Variants in SH3KBP1 observed in about 807,000 individuals in gnomAD.
The protein encoded by SH3KBP1 is SH3 domain-containing kinase-binding protein 1.
Under a neutral mutation model 50.1 loss-of-function variants are expected in SH3KBP1, and 8 were observed. That is an observed-to-expected ratio of 0.16 (90% CI 0.09 to 0.29). SH3KBP1 has a LOEUF of 0.29. Ranked by LOEUF, SH3KBP1 falls within the 10% of genes least tolerant of loss-of-function variation. SH3KBP1 has a pLI of 1.00. For missense variants in SH3KBP1, 377 were observed against 535.2 expected (o/e 0.70, Z 2.92); for synonymous variants, 227 against 218.6 (o/e 1.04, Z -0.34).
At chrX:19,657,157 G>C (rs917153580) in intron 6 of SH3KBP1, among the ~76,000 whole-genome samples, 2 of 110,522 alleles carry the variant, frequency 1.8e-5, no homozygotes, top group Non-Finnish European at 3.8e-5. Context: ...CAGGAGGATT[G>C]CTTAAGCTCA....
At chrX:19,664,784 T>G (rs928861831) in intron 6 of SH3KBP1, 5 of 112,105 alleles carry the variant, frequency 4.5e-5, no homozygotes, top group African/African-American at 1.3e-4. Flanking sequence ...TTTAGCCTCT[T>G]CTGAATTGAA....
chrX:19,758,561 T>C (rs1183997130), intron 2 of SH3KBP1, among the ~76,000 whole-genome samples: 1 of 110,988 alleles, frequency 9.0e-6, no homozygotes, highest in Non-Finnish European at 1.9e-5. Context: ...TTGAGTCCCC[T>C]GAGGGATGGG....
chrX:19,804,886 C>A (rs73631372), intron 2 of SH3KBP1, among the ~76,000 whole-genome samples: 2 of 52,830 alleles, frequency 3.8e-5, no homozygotes, highest in East Asian at 5.8e-4. Context: ...AACCCTACCC[C>A]CCCCCCCCCA....
intron 2 of SH3KBP1, among the ~76,000 whole-genome samples, chrX:19,813,014 G>A (rs144525531): frequency 0.01 from 1,121 of 107,494 alleles, 8 homozygotes; most frequent in Middle Eastern, 0.019. Flanking sequence ...GTGGTGGTAC[G>A]CGCCTGTAGT....
At chrX:19,708,816 A>G (rs1417946765) in intron 3 of SH3KBP1, among the ~76,000 whole-genome samples, 2 of 111,810 alleles carry the variant, frequency 1.8e-5, no homozygotes, top group Non-Finnish European at 3.8e-5. Context: ...GCAGACACAA[A>G]TCTGAACATG....
At position 19,631,887 on chromosome X, in the gene SH3KBP1, C is replaced by T; in HGVS notation, c.874G>A (p.Asp292Asn). The T allele has an allele frequency of 1.7e-6, 2 of 1,193,707 alleles. No homozygotes were observed. The highest frequency in any genetic ancestry group is 2.3e-6 in the Non-Finnish European group (2 of 880,362). ...ACCTTATTGATGAGAGTGACTATATCTCCTTCTTTGATTGTCAATTCATCA... is the reference window on the plus strand; with the variant it reads ...ACCTTATTGATGAGAGTGACTATATTTCCTTCTTTGATTGTCAATTCATCA... ...NDDELTIKEG[D>N]IVTLINKDCI... is the part of the protein sequence containing the mutation. The change falls in exon 8 of 18, where the codon GAT (aspartate) becomes AAT (asparagine). Residue 292 changes from aspartate to asparagine, a missense_variant. This residue lies in a region of SH3KBP1 where 257 missense variants were observed against 374.2 expected (regional missense o/e 0.69). Transcript: ENST00000397821.
At chrX:19,871,467 G>C (rs185156890) in intron 1 of SH3KBP1, among the ~76,000 whole-genome samples, 1 of 112,470 alleles carries the variant, frequency 8.9e-6, no homozygotes, top group African/African-American at 3.2e-5. Flanking sequence ...AAAGTATATG[G>C]TACATATTAG....
chrX:19,714,907 C>T (rs916304991), intron 3 of SH3KBP1, among the ~76,000 whole-genome samples: 3 of 111,495 alleles, frequency 2.7e-5, no homozygotes, highest in African/African-American at 9.8e-5. Flanking sequence ...TGTCCTCATA[C>T]TTAGGAGATA....
chrX:19,700,423 G>A (rs943371355), intron 4 of SH3KBP1, among the ~76,000 whole-genome samples: 2 of 111,524 alleles, frequency 1.8e-5, no homozygotes, highest in Non-Finnish European at 3.8e-5. Flanking sequence ...TTTGACAAAC[G>A]CCCATTGTAG....
chrX:19,834,177 A>G (rs934996172), intron 2 of SH3KBP1, among the ~76,000 whole-genome samples: 1 of 112,403 alleles, frequency 8.9e-6, no homozygotes, highest in Non-Finnish European at 1.9e-5. Context: ...CGACTCTGAA[A>G]GGGTAGTGAC....
At chrX:19,694,661 T>C (rs760342735) in intron 5 of SH3KBP1, among the ~76,000 whole-genome samples, 2 of 111,479 alleles carry the variant, frequency 1.8e-5, no homozygotes, top group South Asian at 7.7e-4. Flanking sequence ...GTGAAGGAAG[T>C]CGCTTGAGCA....
intron 6 of SH3KBP1, among the ~76,000 whole-genome samples, chrX:19,681,406 A>T (rs768169765): frequency 8.8e-6 from 1 of 113,010 alleles, no homozygotes; most frequent in African/African-American, 3.2e-5. Flanking sequence ...AAAGTGCAGC[A>T]TTTATATTTT....
intron 13 of SH3KBP1, among the ~76,000 whole-genome samples, chrX:19,568,597 T>C (rs971700171): frequency 1.8e-5 from 2 of 112,049 alleles, no homozygotes; most frequent in African/African-American, 6.5e-5. Flanking sequence ...GACTTTTATT[T>C]ACCCAGAGAG....
chrX:19,852,513 T>A (rs1461729526), intron 1 of SH3KBP1, among the ~76,000 whole-genome samples: 1 of 109,714 alleles, frequency 9.1e-6, no homozygotes, highest in East Asian at 2.8e-4. Context: ...AGAGATCAGA[T>A]AATATTCCAG....
Position 19,887,303 on chromosome X carries a change from T to C in SH3KBP1, c.4+4A>G. The C allele has an allele frequency of 1.0e-6, 1 of 981,295 alleles. No homozygotes were observed. The highest frequency in any genetic ancestry group is 1.3e-6 in the Non-Finnish European group (1 of 777,871). The allele number at this position is 981,295 out of a possible 1,213,427, so 80.9% of individuals were successfully genotyped here. A position where few individuals can be genotyped will look rare whatever the true frequency, so the allele number is the denominator to read the frequency against. On this transcript the variant is annotated splice_donor_region_variant and intron_variant, in intron 1 of 17. Coordinates refer to ENST00000397821, the MANE Select transcript of SH3KBP1 (RefSeq NM_031892.3). ...ACGCCCGGACGCGGGCGGCCCCCACTCACCCATTGGCGTCGAGCCGGGCCG... is the reference window on the plus strand; with the variant it reads ...ACGCCCGGACGCGGGCGGCCCCCACCCACCCATTGGCGTCGAGCCGGGCCG...
In SH3KBP1 at chrX:19,611,957, A is replaced by G. The variant is rs369524660; in HGVS notation, c.898-3912T>C. On this transcript the variant is annotated intron_variant, in intron 8 of 17. Coordinates refer to ENST00000397821, the MANE Select transcript of SH3KBP1 (RefSeq NM_031892.3). ...GATTTAGTGCTACTAGCAGAAGTAG[A>G]AAAAAAAAAAAAAAAAAAAAACAAG... is the stretch of plus-strand genomic sequence containing the variant. 4.1e-3 allele frequency among the ~76,000 whole-genome samples: 200 copies of G among 49,240 alleles called. 2 individuals are homozygous for G. The highest frequency in any genetic ancestry group is 0.028 in the African/African-American group (190 of 6,868). The allele number at this position is 49,240 out of a possible 115,157, so 42.8% of individuals were successfully genotyped here. A position where few individuals can be genotyped will look rare whatever the true frequency, so the allele number is the denominator to read the frequency against.
chrX:19,762,156 C>G (rs767360175), intron 2 of SH3KBP1, among the ~76,000 whole-genome samples: 2 of 112,959 alleles, frequency 1.8e-5, no homozygotes, highest in African/African-American at 6.4e-5. Context: ...CCTGTTCGTT[C>G]CTGGGCGTAG....
At chrX:19,815,921 A>G (rs2067342504) in intron 2 of SH3KBP1, among the ~76,000 whole-genome samples, 1 of 112,298 alleles carries the variant, frequency 8.9e-6, no homozygotes, top group African/African-American at 3.2e-5. Context: ...ACAATTCAAG[A>G]TATTTCCAAT....
chrX:19,603,172 T>C (rs1047493377), intron 9 of SH3KBP1, among the ~76,000 whole-genome samples: 1 of 112,189 alleles, frequency 8.9e-6, no homozygotes, highest in African/African-American at 3.2e-5. Flanking sequence ...CAACACATGG[T>C]TCCCTTGGCA....
Sources: gnomAD v4.1 joint callset for allele counts (sites outside exome capture counted in the v4.1 genomes callset) on GRCh38, gnomAD v4.1.1 for gene constraint, gnomAD v4.1.1 regional missense constraint, MANE v1.5 for transcripts, NCBI Gene and HGNC (gene_info 2026-07-23, HGNC 2026-07-21) for gene names.